The following VPS13B variants were observed in gnomAD, a reference collection of about 807,000 sequenced individuals.
The protein encoded by VPS13B is intermembrane lipid transfer protein VPS13B.
In VPS13B, 285 loss-of-function variants were observed where a neutral mutation model predicts 426.4. The observed-to-expected ratio is 0.67, with a 90% confidence interval of 0.61 to 0.74. The LOEUF is 0.74. Ranked by LOEUF, VPS13B falls within the 30% of genes least tolerant of loss-of-function variation. The pLI is 0.00. For synonymous variants in VPS13B, 1,676 were observed against 1,676.4 expected (o/e 1.00, Z 0.01); for missense variants, 4,537 against 4,782.6 (o/e 0.95, Z 1.51).
chr8:99,358,717 A>G (rs1178390860), intron 19 of VPS13B, among the ~76,000 whole-genome samples: 8 of 152,170 alleles, frequency 5.3e-5, no homozygotes, highest in Admixed American at 4.6e-4. Flanking sequence ...CAGTTATGAG[A>G]GGCTGTTAGC....
chr8:99,442,297 T>G (rs1028013238), intron 22 of VPS13B, 104 bp from the exon 23 acceptor site: 1 of 933,436 alleles, frequency 1.1e-6, no homozygotes, highest in Non-Finnish European at 1.7e-6. Context: ...GACATAAATA[T>G]GGAACATTTA....
intron 35 of VPS13B, among the ~76,000 whole-genome samples, chr8:99,668,072 T>G (rs1830557349): frequency 6.6e-6 from 1 of 152,204 alleles, no homozygotes; most frequent in Non-Finnish European, 1.5e-5. Context: ...TAGCTATTAT[T>G]ATGTTTTAAT....
chr8:99,303,439 T>A (rs1820476900), intron 19 of VPS13B, among the ~76,000 whole-genome samples: 1 of 151,622 alleles, frequency 6.6e-6, no homozygotes, highest in South Asian at 2.1e-4. Context: ...ATACCACCAT[T>A]AAAGGAATTA....
intron 19 of VPS13B, among the ~76,000 whole-genome samples, chr8:99,329,918 A>G (rs1388668992): frequency 6.6e-6 from 1 of 151,946 alleles, no homozygotes; most frequent in African/African-American, 2.4e-5. Flanking sequence ...ATTGTTGGAT[A>G]TTCTGTAGTA....
intron 36 of VPS13B, among the ~76,000 whole-genome samples, chr8:99,710,000 G>A (rs1030613975): frequency 3.3e-5 from 5 of 152,136 alleles, no homozygotes; most frequent in Non-Finnish European, 5.9e-5. Context: ...ATCAGCAATT[G>A]GGTAAGTAAC....
rs1356586590 is a variant in VPS13B at position 99,828,392 on chromosome 8, CCGTTTTTTTTTTT to C, written c.9331-3976_9331-3964del. Among the ~76,000 whole-genome samples the C allele has an allele frequency of 2.1e-3, 99 of 47,636 alleles. 8 individuals carry two copies. The highest frequency in any genetic ancestry group is 4.8e-3 in the African/African-American group (53 of 11,012). The allele number at this position is 47,636 out of a possible 152,430, so 31.3% of individuals were successfully genotyped here. ...TTATCAGAGACTAGGATTACAACCACCGTTTTTTTTTTTTTTTTTTTTTTTTTTTTTTTTTTTT... is the reference window on the plus strand; with the variant it reads ...TTATCAGAGACTAGGATTACAACCACTTTTTTTTTTTTTTTTTTTTTTTTT... On this transcript the variant is annotated intron_variant, in intron 51 of 61. Transcript: ENST00000357162.
intron 36 of VPS13B, among the ~76,000 whole-genome samples, chr8:99,704,858 G>A (rs940210018): frequency 2.6e-5 from 4 of 152,104 alleles, no homozygotes; most frequent in South Asian, 2.1e-4. Flanking sequence ...CCCCACAAGC[G>A]CAAAAGAAAG....
chr8:99,304,771 T>C (rs1240714247), intron 19 of VPS13B, among the ~76,000 whole-genome samples: 1 of 152,162 alleles, frequency 6.6e-6, no homozygotes, highest in African/African-American at 2.4e-5. Flanking sequence ...TCATTTTCCA[T>C]CTTTTATATC....
At chr8:99,848,962 T>C (rs758645568) in intron 55 of VPS13B, 68 bp downstream of exon 55, 170 of 1,392,828 alleles carry the variant, frequency 1.2e-4, no homozygotes, top group Non-Finnish European at 1.5e-4. Context: ...AAACTTAGTA[T>C]TTATCTTTGT....
chr8:99,195,004 C>G (rs567749340), intron 17 of VPS13B, among the ~76,000 whole-genome samples: 1 of 152,176 alleles, frequency 6.6e-6, no homozygotes, highest in East Asian at 1.9e-4. Flanking sequence ...CACCACCACA[C>G]CCAGCTAATT....
At chr8:99,347,770 A>G (rs1811620661) in intron 19 of VPS13B, 1 of 152,240 alleles carries the variant, frequency 6.6e-6, no homozygotes, top group African/African-American at 2.4e-5. Flanking sequence ...GTGTGGGAGT[A>G]GTGGAATAAG....
At chr8:99,450,042 A>G (rs1042141807) in intron 23 of VPS13B, among the ~76,000 whole-genome samples, 1 of 152,104 alleles carries the variant, frequency 6.6e-6, no homozygotes, top group African/African-American at 2.4e-5. Context: ...TGACCTCGTG[A>G]TCCACCCCTC....
At chr8:99,758,450 T>C (rs1810750826) in intron 39 of VPS13B, among the ~76,000 whole-genome samples, 1 of 152,182 alleles carries the variant, frequency 6.6e-6, no homozygotes, top group Non-Finnish European at 1.5e-5. Flanking sequence ...GAAGGTAGCA[T>C]GGTTATTTTT....
intron 21 of VPS13B, among the ~76,000 whole-genome samples, chr8:99,405,997 A>G (rs1458238111): frequency 3.3e-5 from 5 of 151,970 alleles, no homozygotes; most frequent in Non-Finnish European, 5.9e-5. Flanking sequence ...CCAGGCTGGT[A>G]TCGAACTCCT....
At chr8:99,385,807 A>C (rs1814087138) in intron 20 of VPS13B, among the ~76,000 whole-genome samples, 1 of 152,210 alleles carries the variant, frequency 6.6e-6, no homozygotes, top group African/African-American at 2.4e-5. Flanking sequence ...CAGACAGAGA[A>C]GGTTGTTTTA....
At chr8:99,124,060 T>C (rs183896780) in intron 8 of VPS13B, among the ~76,000 whole-genome samples, 1 of 152,242 alleles carries the variant, frequency 6.6e-6, no homozygotes, top group East Asian at 1.9e-4. Context: ...TCTGAGGCAC[T>C]GTGATGATAA....
intron 8 of VPS13B, chr8:99,121,707 G>C: frequency 1.2e-6 from 1 of 867,548 alleles, no homozygotes. Flanking sequence ...GAATCATTCA[G>C]TTGGTGTACA....
At position 99,356,706 on chromosome 8, in the gene VPS13B, T is replaced by C. The variant is rs76199072; in HGVS notation, c.2825-27502T>C. On this transcript the variant is annotated intron_variant, in intron 19 of 61. Coordinates refer to ENST00000357162, the MANE Select transcript of VPS13B (RefSeq NM_152564.5). ...TTTTTGATAAAGTAATTTTAAAAGG[T>C]GAGCTTTACTTTTATATTATAATTT... Among the ~76,000 whole-genome samples the C allele has an allele frequency of 2.0e-3, 306 of 152,284 alleles. 5 individuals carry two copies. In the East Asian group the frequency reaches 0.026, roughly 13 times the overall value.
intron 23 of VPS13B, among the ~76,000 whole-genome samples, chr8:99,447,950 ATC>A (rs1349587347): frequency 2.0e-5 from 3 of 151,422 alleles, no homozygotes; most frequent in Non-Finnish European, 4.4e-5. Flanking sequence ...CTCATTTAAA[ATC>A]TCTCTTATTT....
Sources: allele counts gnomAD v4.1 joint callset (sites outside exome capture counted in the v4.1 genomes callset), GRCh38; gene constraint gnomAD v4.1.1; transcripts MANE v1.5; gene names NCBI Gene and HGNC (gene_info 2026-07-23, HGNC 2026-07-21).